AKAP13: variants seen among roughly 807,000 people sequenced by gnomAD.
AKAP13 encodes A-kinase anchor protein 13.
Under a neutral mutation model 264.5 loss-of-function variants are expected in AKAP13, and 80 were observed. The ratio of observed to expected loss-of-function variants is 0.30; its 90% CI spans 0.25 to 0.36. The LOEUF (loss-of-function observed/expected upper bound fraction) is 0.36, where lower values mean the gene tolerates loss of function less well. Ranked by LOEUF, AKAP13 falls within the 10% of genes least tolerant of loss-of-function variation. AKAP13 has a pLI of 1.00. For synonymous variants in AKAP13, 1,380 were observed against 1,250.2 expected (o/e 1.10, Z -2.19); for missense variants, 3,712 against 3,435.2 (o/e 1.08, Z -2.01).
At chr15:85,604,495 G>A (rs549845115) in intron 8 of AKAP13, among the ~76,000 whole-genome samples, 18 of 149,832 alleles carry the variant, frequency 1.2e-4, no homozygotes, top group African/African-American at 4.2e-4. Context: ...TTGGAGCCTC[G>A]CTCTGTTGCT....
chr15:85,538,371 TAAG>T lies in AKAP13; in HGVS notation c.478+4494_478+4496del, dbSNP rs370982549. Among the ~76,000 whole-genome samples the T allele has an allele frequency of 1.9e-4, 29 of 152,276 alleles. No individual in the cohort carries two copies. The East Asian group carries it at 5.0e-3, about 26-fold the overall frequency. On this transcript the variant is annotated intron_variant, in intron 4 of 36. Coordinates refer to ENST00000394518, the MANE Select transcript of AKAP13 (RefSeq NM_007200.5). ...AAGACAGGTTTAGGAAAAACTGCAG[TAAG>T]AACAGCCTGTGTATTCCCAATTCTA...
At chr15:85,454,203 G>A (rs1461393252) in intron 1 of AKAP13, among the ~76,000 whole-genome samples, 1 of 152,130 alleles carries the variant, frequency 6.6e-6, no homozygotes, top group African/African-American at 2.4e-5. Context: ...CCCTGCTGGA[G>A]GTACAGCTAC....
chr15:85,483,344 T>C (rs796289704), intron 1 of AKAP13, among the ~76,000 whole-genome samples: 3 of 152,196 alleles, frequency 2.0e-5, no homozygotes, highest in Admixed American at 6.5e-5. Flanking sequence ...CTTAAAACAT[T>C]GGCTGGGCAT....
At chr15:85,665,347 C>T (rs2083533107) in intron 13 of AKAP13, among the ~76,000 whole-genome samples, 1 of 152,188 alleles carries the variant, frequency 6.6e-6, no homozygotes, top group Admixed American at 6.5e-5. Flanking sequence ...TTTACCCTCT[C>T]AATAGTAAAC....
At chr15:85,677,086 G>A (rs2084267506) in intron 14 of AKAP13, 6 of 985,448 alleles carry the variant, frequency 6.1e-6, no homozygotes, top group Non-Finnish European at 7.2e-6. Context: ...TGATGAGGAG[G>A]AGGAGTTGCA....
At chr15:85,591,984 A>G in intron 8 of AKAP13, among the ~76,000 whole-genome samples, 1 of 151,848 alleles carries the variant, frequency 6.6e-6, no homozygotes, top group South Asian at 2.1e-4. Context: ...TACTGGGAAA[A>G]TCTACTCTTT....
intron 1 of AKAP13, among the ~76,000 whole-genome samples, chr15:85,413,813 G>A (rs1305019304): frequency 5.3e-5 from 8 of 152,078 alleles, no homozygotes; most frequent in Admixed American, 5.2e-4. Context: ...TATCCCACGT[G>A]CCCTACTAAC....
chr15:85,603,080 G>A (rs2080164230), intron 8 of AKAP13, among the ~76,000 whole-genome samples: 1 of 152,176 alleles, frequency 6.6e-6, no homozygotes, highest in South Asian at 2.1e-4. Context: ...TTTCCCTTGA[G>A]AAGCAGGTTC....
At chr15:85,470,187 G>T (rs889766223) in intron 1 of AKAP13, among the ~76,000 whole-genome samples, 1 of 152,188 alleles carries the variant, frequency 6.6e-6, no homozygotes, top group African/African-American at 2.4e-5. Context: ...TACTCGGGAG[G>T]CTGAGGCACA....
At chr15:85,585,597 G>GC in intron 7 of AKAP13, 105 bp from the exon 8 acceptor site, 1 of 1,504,058 alleles carries the variant, frequency 6.6e-7, no homozygotes, top group Non-Finnish European at 9.1e-7. Flanking sequence ...CCATTTTAAC[G>GC]CAAAAGCAAA....
At chr15:85,405,138 A>G (rs1367355801) in intron 1 of AKAP13, among the ~76,000 whole-genome samples, 1 of 152,022 alleles carries the variant, frequency 6.6e-6, no homozygotes, top group Non-Finnish European at 1.5e-5. Context: ...CATGTGTTTT[A>G]ATCGATTCAG....
At chr15:85,642,852 G>A (rs1054429370) in intron 9 of AKAP13, among the ~76,000 whole-genome samples, 25 of 152,144 alleles carry the variant, frequency 1.6e-4, no homozygotes, top group African/African-American at 5.8e-4. Flanking sequence ...GCTGGACAGC[G>A]AGCAGCTCAG....
intron 18 of AKAP13, among the ~76,000 whole-genome samples, chr15:85,709,716 C>A (rs2086527033): frequency 7.5e-6 from 1 of 133,278 alleles, no homozygotes; most frequent in African/African-American, 2.7e-5. Context: ...GAGACAGAGT[C>A]TCACTGTGTC....
chr15:85,470,921 G>T (rs1003682297), intron 1 of AKAP13, among the ~76,000 whole-genome samples: 2 of 152,216 alleles, frequency 1.3e-5, no homozygotes, highest in African/African-American at 4.8e-5. Context: ...TGTAATTTTA[G>T]TCATTCTTAT....
Position 85,727,782 on chromosome 15 carries a change from C to A in AKAP13, c.7087+319C>A, listed in dbSNP as rs2087704702. Among the ~76,000 whole-genome samples, 1 of 152,152 alleles carries A rather than the reference C, an allele frequency of 6.6e-6. No individual in the cohort carries two copies. Among genetic ancestry groups the A allele is most frequent in the Non-Finnish European group, 1.5e-5 (1 of 68,036 alleles). ...AGGCGAATTTGCCAAAATTTGTAGT[C>A]ACATCTAAGATTAAAACAAGGAGAG... is the stretch of plus-strand genomic sequence containing the variant. On this transcript the variant is annotated intron_variant, in intron 29 of 36. Coordinates refer to ENST00000394518, the MANE Select transcript of AKAP13 (RefSeq NM_007200.5). The surrounding 1 kb of genome is among the most constrained non-coding windows in gnomAD (Gnocchi z 5.3).
chr15:85,655,178 T>C (rs541391811), intron 10 of AKAP13, among the ~76,000 whole-genome samples: 2 of 152,080 alleles, frequency 1.3e-5, no homozygotes, highest in East Asian at 3.9e-4. Flanking sequence ...GGCGACAGAG[T>C]GAGACTGTCT....
chr15:85,517,108 A>T (rs565712871), intron 2 of AKAP13, among the ~76,000 whole-genome samples: 1 of 152,134 alleles, frequency 6.6e-6, no homozygotes, highest in African/African-American at 2.4e-5. Context: ...CCAGTATACC[A>T]CTGTGATTTC....
intron 4 of AKAP13, among the ~76,000 whole-genome samples, chr15:85,543,032 TTC>T (rs1220339566): frequency 6.6e-6 from 1 of 152,208 alleles, no homozygotes; most frequent in Non-Finnish European, 1.5e-5. Flanking sequence ...CCCTTCCTCA[TTC>T]TGTCACTTTC....
intron 2 of AKAP13, among the ~76,000 whole-genome samples, chr15:85,490,925 A>C (rs2075704372): frequency 6.6e-6 from 1 of 152,178 alleles, no homozygotes; most frequent in African/African-American, 2.4e-5. Flanking sequence ...GTGGTCAGGG[A>C]AGGCCTTTGA....
Sources: allele counts gnomAD v4.1 joint callset (sites outside exome capture counted in the v4.1 genomes callset), GRCh38; gene constraint gnomAD v4.1.1; non-coding constraint Gnocchi (gnomAD v3.1); transcripts MANE v1.5; gene names NCBI Gene and HGNC (gene_info 2026-07-23, HGNC 2026-07-21).